Variants in CRTC1 observed in about 807,000 individuals in gnomAD.
CRTC1 encodes CREB regulated transcription coactivator 1.
In CRTC1, 18 loss-of-function variants were observed where a neutral mutation model predicts 66.1. That is an observed-to-expected ratio of 0.27 (90% CI 0.19 to 0.40). The LOEUF is 0.40. Among genes scored for constraint, CRTC1 ranks in the 10% least tolerant of loss-of-function variants. CRTC1 has a pLI of 1.00. For synonymous variants in CRTC1, 416 were observed against 398.8 expected (o/e 1.04, Z -0.51); for missense variants, 669 against 887.9 (o/e 0.75, Z 3.13).
At position 18,777,236 on chromosome 19, in the gene CRTC1, G is replaced by A. The variant is rs374595850; in HGVS notation, c.1759G>A (p.Val587Ile). 31 of 1,610,328 alleles carry A rather than the reference G, an allele frequency of 1.9e-5. No homozygotes were observed. The highest frequency in any genetic ancestry group is 2.5e-5 in the Non-Finnish European group (29 of 1,179,764). Residue 587 changes from valine (V) to isoleucine (I), a missense_variant, in exon 14 of 14, where the codon GTC (valine) becomes ATC (isoleucine). Around this residue, in one of 8 missense-constraint regions of CRTC1, gnomAD observed 91 missense variants for 99.1 expected, o/e 0.92. Transcript: ENST00000321949. The surrounding 1 kb of genome is among the most constrained non-coding windows in gnomAD (Gnocchi z 5.5). ...CAGCTCTCTGGCCGGGGTCGGCGAC[G>A]TCAGCTTCGACTCCGACAGCCAGTT... The part of the protein sequence containing the change: ...LTSSLAGVGD[V>I]SFDSDSQFPL...
In CRTC1 at chr19:18,720,655, C is replaced by G. The variant is rs112785558; in HGVS notation, c.127-22255C>G. On this transcript the variant is annotated intron_variant, in intron 1 of 13. Coordinates refer to ENST00000321949, the MANE Select transcript of CRTC1 (RefSeq NM_015321.3). ...TGCTGGGATAACAGGCGTGAGCCAC[C>G]ACGCCCGGCCTAACTTTGGTACTTT... Among the ~76,000 whole-genome samples, 36 of 152,088 alleles carry G rather than the reference C, an allele frequency of 2.4e-4. 1 individual carries two copies. Among genetic ancestry groups the G allele is most frequent in the African/African-American group, 8.7e-4 (36 of 41,500 alleles).
chr19:18,727,580 C>CAAAAAAAAAAAAA (rs60907638), intron 1 of CRTC1, among the ~76,000 whole-genome samples: 7,112 of 51,106 alleles, frequency 0.14, 986 homozygotes, highest in Middle Eastern at 0.18. Flanking sequence ...GACTCTGTCT[C>CAAAAAAAAAAAAA]AAAAAAAAAA....
At chr19:18,745,121 A>G (rs1233296570) in intron 2 of CRTC1, among the ~76,000 whole-genome samples, 1 of 152,122 alleles carries the variant, frequency 6.6e-6, no homozygotes, top group Non-Finnish European at 1.5e-5. Context: ...GGCATGTAGC[A>G]GGGCCTGGGG....
intron 1 of CRTC1, among the ~76,000 whole-genome samples, chr19:18,697,385 C>G (rs1232061126): frequency 6.6e-6 from 1 of 152,048 alleles, no homozygotes; most frequent in Non-Finnish European, 1.5e-5. Context: ...GATCTCAGCT[C>G]AGCAACCTCT....
chr19:18,770,511 ACAGT>A (rs533673170), intron 10 of CRTC1, among the ~76,000 whole-genome samples: 26 of 152,352 alleles, frequency 1.7e-4, no homozygotes, highest in Non-Finnish European at 1.8e-4. Context: ...CCCAGGGCAC[ACAGT>A]CAGCGAGAGC....
intron 11 of CRTC1, 125 bp from the exon 12 acceptor site, chr19:18,774,775 C>A: frequency 1.2e-6 from 1 of 831,970 alleles, no homozygotes; most frequent in Non-Finnish European, 1.9e-6. Flanking sequence ...AAATAAGCAT[C>A]ATCATCAGCC....
chr19:18,704,604 C>T (rs368784655), intron 1 of CRTC1, among the ~76,000 whole-genome samples: 1 of 152,030 alleles, frequency 6.6e-6, no homozygotes, highest in African/African-American at 2.4e-5. Context: ...CCCAGCTACT[C>T]GGGATGCTGA....
At chr19:18,751,643 C>T (rs1415507293) in intron 5 of CRTC1, among the ~76,000 whole-genome samples, 2 of 152,220 alleles carry the variant, frequency 1.3e-5, no homozygotes, top group African/African-American at 4.8e-5. Context: ...TCCATCCCGT[C>T]GCTCAGACTC....
Position 18,765,537 on chromosome 19 carries a change from G to T in CRTC1, c.1011+9G>T, listed in dbSNP as rs2054711188. 2 of 1,598,516 alleles carry T rather than the reference G, an allele frequency of 1.3e-6. No individual in the cohort carries two copies. The highest frequency in any genetic ancestry group is 4.5e-5 in the East Asian group (2 of 44,680). On this transcript the variant is annotated intron_variant, in intron 9 of 13. Transcript: ENST00000321949. The stretch of plus-strand genomic sequence containing the variant: ...TGTCACCCATCACTCAGGTGCGAGG[G>T]CAAGGTGGGGGGCAGGTGGGAGGGG...
At chr19:18,742,718 G>A (rs775962669) in intron 1 of CRTC1, among the ~76,000 whole-genome samples, 192 bp from the exon 2 acceptor site, 13 of 152,332 alleles carry the variant, frequency 8.5e-5, no homozygotes, top group African/African-American at 2.9e-4. Flanking sequence ...CCGGCACCTC[G>A]GGTTTCTGAT....
rs974006229 is a variant in CRTC1, at chr19:18,753,397, T to C, written c.539-103T>C. On this transcript the variant is annotated intron_variant, in intron 5 of 13. Transcript: ENST00000321949. ...CGTTAGGACAGTTGCAGTCTTACCA[T>C]GGCCATGACTCCGTGTGTCAGGGAC... 4 of 798,958 alleles carry C rather than the reference T, an allele frequency of 5.0e-6. No individual in the cohort carries two copies. The African/African-American group carries it at 6.9e-5, about 14-fold the overall frequency. 49.5% of individuals were successfully genotyped at this position (798,958 alleles called of 1,614,324 possible).
At chr19:18,756,352 A>AAAAG (rs1568527808) in intron 6 of CRTC1, among the ~76,000 whole-genome samples, 5 of 149,830 alleles carry the variant, frequency 3.3e-5, no homozygotes, top group South Asian at 2.1e-4. Flanking sequence ...AAAAAAAAAA[A>AAAAG]AAACTCTAGG....
In CRTC1 at chr19:18,768,850, C is replaced by A; in HGVS notation, c.1320+57C>A. ...ACTGGGGGTCTTGTAGAGGACAGCCCGGGGGCTGCAGAACAGTCGGGTTAC... is the reference window on the plus strand; with the variant it reads ...ACTGGGGGTCTTGTAGAGGACAGCCAGGGGGCTGCAGAACAGTCGGGTTAC... On this transcript the variant is annotated intron_variant, in intron 10 of 13. Coordinates refer to ENST00000321949, the MANE Select transcript of CRTC1 (RefSeq NM_015321.3). This position sits in a 1 kb window ranked among gnomAD's most constrained non-coding sequence, Gnocchi z 5.6. 6.6e-7 allele frequency: 1 copy of A among 1,525,564 alleles called. No homozygotes were observed. The highest frequency in any genetic ancestry group is 2.4e-5 in the East Asian group (1 of 41,126). The allele number at this position is 1,525,564 out of a possible 1,614,324, so 94.5% of individuals were successfully genotyped here.
chr19:18,752,735 G>C (rs536117895), intron 5 of CRTC1, among the ~76,000 whole-genome samples: 1 of 151,136 alleles, frequency 6.6e-6, no homozygotes, highest in Admixed American at 6.6e-5. Context: ...CTGCCTCCCC[G>C]GTTCAAGCAA....
At chr19:18,721,500 T>C (rs2053630083) in intron 1 of CRTC1, among the ~76,000 whole-genome samples, 1 of 150,606 alleles carries the variant, frequency 6.6e-6, no homozygotes, top group African/African-American at 2.4e-5. Context: ...GCCTTTTTTT[T>C]TTTTTTTTTT....
chr19:18,733,546 A>C (rs865786360), intron 1 of CRTC1, among the ~76,000 whole-genome samples: 49 of 152,310 alleles, frequency 3.2e-4, no homozygotes, highest in Admixed American at 9.8e-4. Flanking sequence ...GAGTGTCTCC[A>C]GGGCCCAGGA....
At chr19:18,726,386 G>A (rs1426623543) in intron 1 of CRTC1, among the ~76,000 whole-genome samples, 2 of 152,342 alleles carry the variant, frequency 1.3e-5, no homozygotes, top group South Asian at 2.1e-4. Flanking sequence ...GCCCTCAGGC[G>A]GCCAGCTATA....
chr19:18,774,733 A>T (rs2054944003), intron 11 of CRTC1, among the ~76,000 whole-genome samples, 167 bp from the exon 12 acceptor site: 1 of 152,122 alleles, frequency 6.6e-6, no homozygotes, highest in Non-Finnish European at 1.5e-5. Context: ...AAAAAAAGTC[A>T]TCCAGGATTG....
rs931823393 is a variant in CRTC1 at position 18,778,090 on chromosome 19, C to G, written c.*708C>G. 3 of 233,048 alleles carry G rather than the reference C, an allele frequency of 1.3e-5. No homozygotes were observed. The East Asian group carries it at 1.8e-4, about 14-fold the overall frequency. The allele number at this position is 233,048 out of a possible 1,614,324, so 14.4% of individuals were successfully genotyped here. A position where few individuals can be genotyped will look rare whatever the true frequency, so the allele number is the denominator to read the frequency against. ...CCATCCCCTCGAAGCCCTGCCTCAC[C>G]GCAGGCAGGCCCATCGGTGGCCACC... is the stretch of plus-strand genomic sequence containing the variant. On this transcript the variant is annotated 3_prime_UTR_variant, in exon 14 of 14. Coordinates refer to ENST00000321949, the MANE Select transcript of CRTC1 (RefSeq NM_015321.3).
Sources: gnomAD v4.1 joint callset for allele counts (sites outside exome capture counted in the v4.1 genomes callset) on GRCh38, gnomAD v4.1.1 for gene constraint, gnomAD v4.1.1 regional missense constraint, Gnocchi (gnomAD v3.1) non-coding constraint, MANE v1.5 for transcripts, NCBI Gene and HGNC (gene_info 2026-07-23, HGNC 2026-07-21) for gene names.